The following THADA variants were observed in gnomAD, a reference collection of about 807,000 sequenced individuals.
THADA encodes the protein tRNA (32-2'-O)-methyltransferase regulator THADA.
Under a neutral mutation model 219.8 loss-of-function variants are expected in THADA, and 213 were observed. The ratio of observed to expected loss-of-function variants is 0.97; its 90% CI spans 0.87 to 1.09. The LOEUF (loss-of-function observed/expected upper bound fraction) is 1.09. Ranked by LOEUF, THADA falls within the 50% of genes least tolerant of loss-of-function variation. The pLI is 0.00. For missense variants in THADA, 2,956 were observed against 2,311.3 expected (o/e 1.28, Z -5.72); for synonymous variants, 1,018 against 828.9 (o/e 1.23, Z -3.92).
intron 30 of THADA, among the ~76,000 whole-genome samples, chr2:43,322,299 A>T (rs59779859): frequency 0.27 from 40,670 of 151,692 alleles, 6,160 homozygotes; most frequent in African/African-American, 0.41. Context: ...AGGTCAGGAG[A>T]TCGAGATCAG....
chr2:43,563,624 T>C (rs1355401369), intron 15 of THADA: 1 of 152,196 alleles, frequency 6.6e-6, no homozygotes, highest in Non-Finnish European at 1.5e-5. Context: ...AAGCACGAAA[T>C]TAATATTTGC....
intron 26 of THADA, among the ~76,000 whole-genome samples, chr2:43,472,371 T>C (rs1685002574): frequency 6.6e-6 from 1 of 152,238 alleles, no homozygotes; most frequent in Admixed American, 6.5e-5. Flanking sequence ...CAGAAATTAC[T>C]TCACCATTGA....
intron 26 of THADA, among the ~76,000 whole-genome samples, chr2:43,446,251 G>T (rs530663638): frequency 2.6e-5 from 4 of 152,280 alleles, no homozygotes; most frequent in African/African-American, 9.6e-5. Context: ...TCCAAAGATG[G>T]TCAACAAACT....
At chr2:43,425,446 ATGTGTGTGTGTGTGTG>A (rs70963396) in intron 28 of THADA, among the ~76,000 whole-genome samples, 40 of 140,516 alleles carry the variant, frequency 2.8e-4, no homozygotes, top group Admixed American at 1.3e-3. Flanking sequence ...TTAAAATTGT[ATGTGTGTGTGTGTGTG>A]TGTGTGTGTG....
chr2:43,415,530 G>A (rs1676836545), intron 28 of THADA, among the ~76,000 whole-genome samples: 1 of 152,154 alleles, frequency 6.6e-6, no homozygotes, highest in African/African-American at 2.4e-5. Flanking sequence ...GTCGTGGACT[G>A]GTTATGGAAG....
chr2:43,504,158 T>C lies in THADA; in HGVS notation c.3621+1464A>G, dbSNP rs142553381. Among the ~76,000 whole-genome samples the C allele has an allele frequency of 8.8e-3, 1,345 of 152,304 alleles. 24 individuals carry two copies. Among genetic ancestry groups the C allele is most frequent in the African/African-American group, 0.031 (1,294 of 41,556 alleles). On this transcript the variant is annotated intron_variant, in intron 24 of 37. Transcript: ENST00000405975. Reference sequence around the variant, plus strand: ...AACATGTACTTTTTAAAAGTGATAGTCTAGGAAAATAGAACCAATTACATT... The same window carrying C: ...AACATGTACTTTTTAAAAGTGATAGCCTAGGAAAATAGAACCAATTACATT...
rs1284127353 is a variant in THADA at position 43,428,136 on chromosome 2, G to A, written c.4022C>T (p.Ala1341Val). The stretch of plus-strand genomic sequence containing the variant: ...GGGAACAAAAGGTCCCATGCTGAGA[G>A]CAGAAGAAGTACCATCCATCGGGGA... ...YASPMDGTSSALSMGPFVPFI... is the reference protein window; with the variant it reads ...YASPMDGTSSVLSMGPFVPFI... Residue 1341 changes from alanine to valine, a missense_variant, in exon 28 of 38, where the codon GCT (alanine) becomes GTT (valine). Transcript: ENST00000405975. 1 of 1,610,610 alleles carries A rather than the reference G, an allele frequency of 6.2e-7. No homozygotes were observed.
Position 43,325,890 on chromosome 2 carries a change from G to C in THADA, c.4344-5350C>G, listed in dbSNP as rs184658285. Among the ~76,000 whole-genome samples the C allele has an allele frequency of 5.9e-5, 9 of 152,118 alleles. No homozygotes were observed. In the East Asian group the frequency reaches 9.6e-4, roughly 16 times the overall value. ...CTAGCTTTTTTCTTTTTCTTTTCCA[G>C]GTAATAAGCTACCCTACATTATACT... is the stretch of plus-strand genomic sequence containing the variant. On this transcript the variant is annotated intron_variant, in intron 30 of 37. Coordinates refer to ENST00000405975, the MANE Select transcript of THADA (RefSeq NM_022065.5).
At chr2:43,326,072 T>G (rs550972538) in intron 30 of THADA, among the ~76,000 whole-genome samples, 7 of 152,112 alleles carry the variant, frequency 4.6e-5, no homozygotes, top group African/African-American at 1.4e-4. Flanking sequence ...AATTTCCGAC[T>G]GTGCATGATT....
chr2:43,467,272 A>G (rs972080048), intron 26 of THADA, among the ~76,000 whole-genome samples: 1 of 151,942 alleles, frequency 6.6e-6, no homozygotes, highest in Admixed American at 6.6e-5. Flanking sequence ...ATTTAACAAG[A>G]AAAAAAACCT....
In THADA at chr2:43,577,232, A is replaced by G. The variant is rs1699953515; in HGVS notation, c.827T>C (p.Val276Ala). 1 of 1,588,218 alleles carries G rather than the reference A, an allele frequency of 6.3e-7. No individual in the cohort carries two copies. The highest frequency in any genetic ancestry group is 8.6e-7 in the Non-Finnish European group (1 of 1,167,372). ...GGTGCAGTCCACTGAACGAAGCAGC[A>G]CACTGCTAATCTGGAAAAATATAGC... The part of the protein sequence containing the change: ...SEKIPHLISS[V>A]LLRSVDCTSV... The change falls in exon 10 of 38, where the codon GTG (valine) becomes GCG (alanine). Residue 276 changes from valine (V) to alanine (A), a missense_variant. Coordinates refer to ENST00000405975, the MANE Select transcript of THADA (RefSeq NM_022065.5).
intron 29 of THADA, among the ~76,000 whole-genome samples, chr2:43,374,239 A>G (rs1240603077): frequency 6.6e-6 from 1 of 152,248 alleles, no homozygotes; most frequent in South Asian, 2.1e-4. Context: ...CGGAAAACAT[A>G]TTAGTGCACA....
chr2:43,499,165 A>C (rs554307605), intron 24 of THADA, among the ~76,000 whole-genome samples: 80 of 152,334 alleles, frequency 5.3e-4, no homozygotes, highest in African/African-American at 1.9e-3. Context: ...CAATGCTATA[A>C]AAAAGTTTGA....
intron 29 of THADA, among the ~76,000 whole-genome samples, chr2:43,364,000 T>C (rs1052032266): frequency 1.8e-4 from 27 of 152,154 alleles, no homozygotes; most frequent in African/African-American, 6.0e-4. Flanking sequence ...GGCGGGCAGA[T>C]TGCTTGAGCT....
chr2:43,570,665 A>G lies in THADA; in HGVS notation c.2065-155T>C, dbSNP rs768275824. The stretch of plus-strand genomic sequence containing the variant: ...TAATGTTTCTTTTTGACAGAAAATA[A>G]TTTTTATACCAAAAACAAACTATTA... On this transcript the variant is annotated intron_variant, in intron 13 of 37. Coordinates refer to ENST00000405975, the MANE Select transcript of THADA (RefSeq NM_022065.5). 470 of 820,462 alleles carry G rather than the reference A, an allele frequency of 5.7e-4. 4 individuals carry two copies. The highest frequency in any genetic ancestry group is 9.0e-5 in the Non-Finnish European group (51 of 566,044). The allele number at this position is 820,462 out of a possible 1,614,324, so 50.8% of individuals were successfully genotyped here.
At chr2:43,469,702 T>C (rs1684678037) in intron 26 of THADA, among the ~76,000 whole-genome samples, 4 of 152,298 alleles carry the variant, frequency 2.6e-5, no homozygotes, top group African/African-American at 9.6e-5. Flanking sequence ...TCTCTCTGCA[T>C]AAGAGAATAT....
intron 28 of THADA, among the ~76,000 whole-genome samples, chr2:43,410,204 T>C (rs1676108134): frequency 6.6e-6 from 1 of 152,184 alleles, no homozygotes; most frequent in Non-Finnish European, 1.5e-5. Flanking sequence ...TACTACTATA[T>C]ACTCACTAGA....
chr2:43,587,037 T>C (rs374668882), intron 4 of THADA, 35 bp from the exon 5 acceptor site: 25 of 1,588,348 alleles, frequency 1.6e-5, no homozygotes, highest in Non-Finnish European at 2.1e-5. Context: ...AATCTGACAA[T>C]CTAATAGCCC....
Position 43,592,306 on chromosome 2 carries a change from A to C in THADA, c.76+11T>G. 6.3e-7 allele frequency: 1 copy of C among 1,589,742 alleles called. No individual in the cohort carries two copies. On this transcript the variant is annotated intron_variant, in intron 2 of 37. Transcript: ENST00000405975. ...AAAAAAATATAATAAGGGAAACCAG[A>C]AGTCACCTACATTTCAAAGTTTCAA...
Sources: allele counts gnomAD v4.1 joint callset (sites outside exome capture counted in the v4.1 genomes callset), GRCh38; gene constraint gnomAD v4.1.1; transcripts MANE v1.5; gene names NCBI Gene and HGNC (gene_info 2026-07-23, HGNC 2026-07-21).